The following NLN variants were observed in gnomAD, a reference collection of about 807,000 sequenced individuals.
NLN encodes the protein neurolysin, mitochondrial.
NLN carries 64 observed loss-of-function variants against 79.9 expected under a neutral mutation model. That is an observed-to-expected ratio of 0.80 (90% CI 0.65 to 0.99). The LOEUF (loss-of-function observed/expected upper bound fraction) is 0.99, where lower values mean the gene tolerates loss of function less well. Among genes scored for constraint, NLN ranks in the 50% least tolerant of loss-of-function variants. NLN has a pLI of 0.00. For synonymous variants in NLN, 267 were observed against 296.6 expected, an observed-to-expected ratio of 0.90 and a Z score of 1.02; for missense variants, 835 against 858.7, an observed-to-expected ratio of 0.97 and a Z score of 0.34.
At chr5:65,779,723 A>G (rs1759757563) in intron 4 of NLN, among the ~76,000 whole-genome samples, 1 of 152,142 alleles carries the variant, frequency 6.6e-6, no homozygotes, top group Admixed American at 6.5e-5. Flanking sequence ...ATTCACAACT[A>G]ATTTCCAAGA....
intron 10 of NLN, 145 bp downstream of exon 10, chr5:65,809,846 G>C: frequency 1.0e-6 from 1 of 965,576 alleles, no homozygotes; most frequent in South Asian, 1.7e-5. Flanking sequence ...AAATATATTG[G>C]AATAGGAAAC....
At chr5:65,809,913 G>T in intron 10 of NLN, 124 bp from the exon 11 acceptor site, 1 of 1,152,136 alleles carries the variant, frequency 8.7e-7, no homozygotes. Context: ...TAAGTAGAAT[G>T]AGATGTCCTG....
chr5:65,744,278 G>A (rs913468130), intron 1 of NLN, among the ~76,000 whole-genome samples: 2 of 152,130 alleles, frequency 1.3e-5, no homozygotes, highest in African/African-American at 2.4e-5. Context: ...GATTACAGGC[G>A]TGAGCCACCA....
At chr5:65,781,555 C>A in intron 6 of NLN, 134 bp downstream of exon 6, 1 of 674,064 alleles carries the variant, frequency 1.5e-6, no homozygotes, top group Non-Finnish European at 2.6e-6. Flanking sequence ...ATTCCTCAGA[C>A]TTACAAGACT....
In NLN at chr5:65,792,635, A is replaced by C; in HGVS notation, c.1507A>C (p.Met503Leu). The C allele has an allele frequency of 6.2e-7, 1 of 1,613,430 alleles. No individual in the cohort carries two copies. The highest frequency in any genetic ancestry group is 1.3e-5 in the African/African-American group (1 of 74,974). ...RTYFHEFGHV[M>L]HQICAQTDFA... ...TTACTTTCATGAGTTTGGTCACGTG[A>C]TGCATCAGATTTGTGCACAGGTGAG... The change falls in exon 9 of 13, where the codon ATG becomes CTG. Residue 503 changes from methionine to leucine, a missense_variant. By Grantham distance (15) the Met-to-Leu change is conservative (BLOSUM62 2). Coordinates refer to ENST00000380985, the MANE Select transcript of NLN (RefSeq NM_020726.5).
chr5:65,738,784 A>G (rs2150736578), intron 1 of NLN, among the ~76,000 whole-genome samples: 1 of 149,762 alleles, frequency 6.7e-6, no homozygotes, highest in African/African-American at 2.5e-5. Context: ...TAAGACAGAG[A>G]CTTGCTCTGT....
chr5:65,763,145 A>T, intron 3 of NLN, 37 bp downstream of exon 3: 1 of 1,560,906 alleles, frequency 6.4e-7, no homozygotes, highest in South Asian at 1.1e-5. Context: ...AGAGGGAAAA[A>T]CTCTACAACA....
intron 9 of NLN, among the ~76,000 whole-genome samples, chr5:65,804,847 T>C (rs749118398): frequency 6.6e-6 from 1 of 152,164 alleles, no homozygotes; most frequent in Non-Finnish European, 1.5e-5. Flanking sequence ...TTCATTGTTA[T>C]TGTGTCTGTT....
At chr5:65,792,237 A>G (rs887951925) in intron 8 of NLN, among the ~76,000 whole-genome samples, 10 of 152,224 alleles carry the variant, frequency 6.6e-5, no homozygotes, top group African/African-American at 2.4e-4. Context: ...TTTTCAATAA[A>G]AGAAACTTCG....
At chr5:65,816,018 T>C (rs2150776877) in intron 12 of NLN, among the ~76,000 whole-genome samples, 1 of 152,154 alleles carries the variant, frequency 6.6e-6, no homozygotes, top group Admixed American at 6.5e-5. Context: ...GAGCGAACAT[T>C]TATTTTAAAA....
chr5:65,751,755 T>C (rs560122692), intron 1 of NLN, among the ~76,000 whole-genome samples: 9 of 152,340 alleles, frequency 5.9e-5, no homozygotes, highest in Admixed American at 5.9e-4. Context: ...AACTATGGCA[T>C]ACTTATTTGT....
At chr5:65,790,623 A>G (rs903228149) in intron 8 of NLN, among the ~76,000 whole-genome samples, 2 of 152,210 alleles carry the variant, frequency 1.3e-5, no homozygotes, top group African/African-American at 2.4e-5. Flanking sequence ...GGTCCCTCCC[A>G]CGACACGTGG....
intron 3 of NLN, among the ~76,000 whole-genome samples, chr5:65,772,780 G>T (rs1036456562): frequency 6.6e-6 from 1 of 150,602 alleles, no homozygotes; most frequent in Non-Finnish European, 1.5e-5. Flanking sequence ...ACCCAGGCTG[G>T]ACCGTAGTGA....
At chr5:65,736,675 C>T (rs756166712) in intron 1 of NLN, among the ~76,000 whole-genome samples, 3 of 152,082 alleles carry the variant, frequency 2.0e-5, no homozygotes, top group Admixed American at 6.6e-5. Context: ...AACATGTTTT[C>T]GTGTTTCTTT....
rs376855697 is a variant in NLN, at chr5:65,813,317, A to G, written c.1980+926A>G. On this transcript the variant is annotated intron_variant, in intron 12 of 12. Coordinates refer to ENST00000380985, the MANE Select transcript of NLN (RefSeq NM_020726.5). Reference sequence around the variant, plus strand: ...GTTAAGTCCTTGTAATTCTTTTTCCATTACCTGGCCAACCCATTTACAAAG... The same window carrying G: ...GTTAAGTCCTTGTAATTCTTTTTCCGTTACCTGGCCAACCCATTTACAAAG... Among the ~76,000 whole-genome samples, 58 of 148,938 alleles carry G rather than the reference A, an allele frequency of 3.9e-4. 1 individual carries two copies. Among genetic ancestry groups the G allele is most frequent in the African/African-American group, 1.2e-3 (47 of 40,306 alleles).
intron 5 of NLN, 76 bp downstream of exon 5, chr5:65,780,357 C>A: frequency 1.7e-6 from 1 of 590,314 alleles, no homozygotes; most frequent in Non-Finnish European, 3.0e-6. Context: ...GTTTTACTTT[C>A]CAGATACAAA....
chr5:65,730,791 A>G (rs1416045810), intron 1 of NLN, among the ~76,000 whole-genome samples: 1 of 152,060 alleles, frequency 6.6e-6, no homozygotes, highest in East Asian at 1.9e-4. Context: ...ACCTCAAGTG[A>G]CCCACCTGCC....
intron 12 of NLN, among the ~76,000 whole-genome samples, chr5:65,819,460 C>T (rs1542168): frequency 0.79 from 120,206 of 152,186 alleles, 48,346 homozygotes; most frequent in African/African-American, 0.95. Flanking sequence ...GATTCAAACC[C>T]GGGCCTGAGT....
intron 1 of NLN, chr5:65,733,333 T>A (rs1446368765): frequency 6.6e-7 from 1 of 1,510,336 alleles, no homozygotes; most frequent in East Asian, 2.3e-5. Context: ...CAACTCAGGC[T>A]CCTCCTGCCT....
Sources: gnomAD v4.1 joint callset for allele counts (sites outside exome capture counted in the v4.1 genomes callset) on GRCh38, gnomAD v4.1.1 for gene constraint, MANE v1.5 for transcripts, NCBI Gene and HGNC (gene_info 2026-07-23, HGNC 2026-07-21) for gene names.